The following MSLN variants were observed in gnomAD, a reference collection of about 807,000 sequenced individuals.
MSLN encodes the protein CAK1 antigen.
Under a neutral mutation model 72.6 loss-of-function variants are expected in MSLN, and 82 were observed. The ratio of observed to expected loss-of-function variants is 1.13; its 90% CI spans 0.94 to 1.36. The LOEUF is 1.36. Among genes scored for constraint, MSLN ranks in the 40% most tolerant of loss-of-function variants. MSLN has a pLI of 0.00. For synonymous variants in MSLN, 456 were observed against 387.3 expected (o/e 1.18, Z -2.08); for missense variants, 1,005 against 847.9 (o/e 1.19, Z -2.30).
In MSLN at chr16:765,309, T is replaced by TCTGGAACCTC. The variant is rs2041591752; in HGVS notation, c.704+6_704+7insCTGGAACCTC. 3 of 1,559,434 alleles carry TCTGGAACCTC rather than the reference T, an allele frequency of 1.9e-6. No individual in the cohort carries two copies. In the African/African-American group the frequency reaches 4.1e-5, roughly 21 times the overall value. ...GGCGGGGGACCCCCCTACGGGTAAG[T>TCTGGAACCTC]GAAGGTGTCTGGAACCTCGAAGGCT... is the stretch of plus-strand genomic sequence containing the variant. On this transcript the variant is annotated splice_region_variant and intron_variant, in intron 9 of 17. Transcript: ENST00000545450.
chr16:768,658 G>C lies in MSLN; in HGVS notation c.1794G>C (p.Ser598=), dbSNP rs201197109. The part of the protein sequence containing the change: ...VLDLSMQEAL[S]GTPCLLGPGP... ...CCCCTCTCTCTGTAGAGGCCCTCTC[G>C]GGGACGCCCTGCCTCCTAGGACCTG... Residue 598 remains serine (S), a synonymous_variant, in exon 18 of 18, where the codon TCG becomes TCC. Transcript: ENST00000545450. 5.0e-6 allele frequency: 8 copies of C among 1,611,020 alleles called. No homozygotes were observed. Among genetic ancestry groups the C allele is most frequent in the South Asian group, 4.4e-5 (4 of 91,082 alleles).
At position 768,831 on chromosome 16, in the gene MSLN, C is replaced by T; in HGVS notation, c.*98C>T. On this transcript the variant is annotated 3_prime_UTR_variant, in exon 18 of 18. Transcript: ENST00000545450. ...CCGTTCCACCCCAAGAGAACTCGCG[C>T]TCAGTAAACGGGAACATGCCCCCTG... The T allele has an allele frequency of 8.3e-7, 1 of 1,206,426 alleles. No individual in the cohort carries two copies. The allele number at this position is 1,206,426 out of a possible 1,614,324, so 74.7% of individuals were successfully genotyped here.
rs776699214 is a variant in MSLN, at chr16:767,384, C to T, written c.1510C>T (p.Pro504Ser). ...CCTCTCCCGGCGGGCAGGTGGGGCCCCCACGGAGGATTTGAAGGCGCTCAG... is the reference window on the plus strand; with the variant it reads ...CCTCTCCCGGCGGGCAGGTGGGGCCTCCACGGAGGATTTGAAGGCGCTCAG... ...VKIQSFLGGAPTEDLKALSQQ... is the reference protein window; with the variant it reads ...VKIQSFLGGASTEDLKALSQQ... The change falls in exon 16 of 18, where the codon CCC becomes TCC. Residue 504 changes from proline to serine, a missense_variant. Coordinates refer to ENST00000545450, the MANE Select transcript of MSLN (RefSeq NM_005823.6). The T allele has an allele frequency of 6.2e-6, 10 of 1,609,426 alleles. No individual in the cohort carries two copies. The South Asian group carries it at 7.7e-5, about 12-fold the overall frequency.
rs1302476918 is a variant in MSLN at position 768,567 on chromosome 16, T to TGGGCG, written c.1783+9_1783+13dup. The TGGGCG allele has an allele frequency of 5.6e-6, 9 of 1,605,582 alleles. No individual in the cohort carries two copies. In the African/African-American group the frequency reaches 8.1e-5, roughly 14 times the overall value. ...TGGTCCTAGACCTCAGCATGCAAGG[T>TGGGCG]GGGCGGGGCGGCCAGGCCAGGGCTG... On this transcript the variant is annotated splice_region_variant and intron_variant, in intron 17 of 17. Coordinates refer to ENST00000545450, the MANE Select transcript of MSLN (RefSeq NM_005823.6).
At position 766,129 on chromosome 16, in the gene MSLN, G is replaced by A; in HGVS notation, c.966G>A (p.Glu322=). The A allele has an allele frequency of 6.2e-7, 1 of 1,612,758 alleles. No individual in the cohort carries two copies. Among genetic ancestry groups the A allele is most frequent in the Non-Finnish European group, 8.5e-7 (1 of 1,179,916 alleles). ...GCCTCATCTTCTACAAGAAGTGGGA[G>A]CTGGAAGCCTGCGTGGATGCGGCCC... ...DESLIFYKKW[E]LEACVDAALL... Residue 322 remains glutamate, a synonymous_variant, in exon 12 of 18, where the codon GAG becomes GAA. Coordinates refer to ENST00000545450, the MANE Select transcript of MSLN (RefSeq NM_005823.6).
In MSLN at chr16:767,457, C is replaced by A. The variant is rs143402842; in HGVS notation, c.1583C>A (p.Thr528Lys). 6.7e-7 allele frequency: 1 copy of A among 1,500,106 alleles called. No homozygotes were observed. The highest frequency in any genetic ancestry group is 8.9e-7 in the Non-Finnish European group (1 of 1,118,656). 92.9% of individuals were successfully genotyped at this position (1,500,106 alleles called of 1,614,324 possible). ...TTGGCCACGTTCATGAAGCTGCGGA[C>A]GGATGCGGTGCTGGTATGGCGAGCG... ...MDLATFMKLR[T>K]DAVLPLTVAE... The change falls in exon 16 of 18, where the codon ACG becomes AAG. Residue 528 changes from threonine to lysine, a missense_variant. Coordinates refer to ENST00000545450, the MANE Select transcript of MSLN (RefSeq NM_005823.6).
At chr16:762,629 G>A in intron 2 of MSLN, 43 bp from the exon 3 acceptor site, 2 of 1,462,674 alleles carry the variant, frequency 1.4e-6, no homozygotes, top group South Asian at 2.3e-5. Context: ...AGAGGCGTGG[G>A]GTGGGAGCAG....
At position 762,883 on chromosome 16, in the gene MSLN, G is replaced by A. The variant is rs570633720; in HGVS notation, c.85+118G>A. 934 of 804,742 alleles carry A rather than the reference G, an allele frequency of 1.2e-3. 3 individuals are homozygous for A. Among genetic ancestry groups the A allele is most frequent in the Non-Finnish European group, 1.7e-3 (861 of 511,576 alleles). The allele number at this position is 804,742 out of a possible 1,614,324, so 49.9% of individuals were successfully genotyped here. On this transcript the variant is annotated intron_variant, in intron 3 of 17. Transcript: ENST00000545450. The stretch of plus-strand genomic sequence containing the variant: ...TCCCTGGAGTGCCTGTGGTGGCCAC[G>A]TCTCAGCAGCAGTCTCTGCCCCCAG...
Position 765,695 on chromosome 16 carries a change from T to C in MSLN, c.800T>C (p.Ile267Thr). 6.2e-7 allele frequency: 1 copy of C among 1,600,846 alleles called. No individual in the cohort carries two copies. The highest frequency in any genetic ancestry group is 1.1e-5 in the South Asian group (1 of 91,044). ...QPIIRSIPQG[I>T]VAAWRQRSSR... is the part of the protein sequence containing the mutation. Reference sequence around the variant, plus strand: ...CCAGGTCCTGCTCGTCCTCAGGGCATCGTGGCCGCGTGGCGGCAACGCTCC... The same window carrying C: ...CCAGGTCCTGCTCGTCCTCAGGGCACCGTGGCCGCGTGGCGGCAACGCTCC... Residue 267 changes from isoleucine (I) to threonine (T), a missense_variant, in exon 11 of 18, where the codon ATC (isoleucine) becomes ACC (threonine). Ile to Thr is a moderately conservative substitution (Grantham distance 89). Coordinates refer to ENST00000545450, the MANE Select transcript of MSLN (RefSeq NM_005823.6).
At chr16:762,591 C>T in intron 2 of MSLN, 81 bp from the exon 3 acceptor site, 1 of 1,055,418 alleles carries the variant, frequency 9.5e-7, no homozygotes, top group Non-Finnish European at 1.4e-6. Context: ...CCCTCCTGGG[C>T]CCATGTGGCC....
chr16:765,841 G>A, intron 11 of MSLN, 51 bp downstream of exon 11: 2 of 1,543,740 alleles, frequency 1.3e-6, no homozygotes, highest in Non-Finnish European at 1.7e-6. Flanking sequence ...AGCACCCCTG[G>A]GGGTGGGCAT....
chr16:768,617 T>C (rs1170141535), intron 17 of MSLN, 31 bp from the exon 18 acceptor site: 3 of 1,605,672 alleles, frequency 1.9e-6, no homozygotes, highest in Middle Eastern at 1.7e-4. Context: ...GGCGTGGAGG[T>C]GGGCGCTCTG....
intron 5 of MSLN, 29 bp from the exon 6 acceptor site, chr16:763,994 G>C (rs774087865): frequency 6.3e-6 from 10 of 1,593,284 alleles, no homozygotes; most frequent in Non-Finnish European, 8.5e-6. Context: ...AGGGGCGATC[G>C]TGGGTGCCCA....
Position 768,484 on chromosome 16 carries a change from C to T in MSLN, c.1702C>T (p.Gln568Ter), listed in dbSNP as rs1422813408. ...GCGGGACTGGATCCTACGGCAGCGGCAGGACGACCTGGACACGCTGGGGCT... is the reference window on the plus strand; with the variant it reads ...GCGGGACTGGATCCTACGGCAGCGGTAGGACGACCTGGACACGCTGGGGCT... ...PVRDWILRQRQDDLDTLGLGL... is the reference protein window; with the variant it reads ...PVRDWILRQR The change falls in exon 17 of 18, where the codon CAG becomes TAG. Residue 568 changes from glutamine (Q) to a stop codon, truncating the protein, a stop_gained. Coordinates refer to ENST00000545450, the MANE Select transcript of MSLN (RefSeq NM_005823.6). LOFTEE classifies it high-confidence loss of function. The T allele has an allele frequency of 1.6e-5, 25 of 1,575,070 alleles. No individual in the cohort carries two copies. The highest frequency in any genetic ancestry group is 2.7e-5 in the African/African-American group (2 of 74,136).
At chr16:761,253 C>T in intron 2 of MSLN, 79 bp downstream of exon 2, 1 of 152,296 alleles carries the variant, frequency 6.6e-6, no homozygotes, top group East Asian at 1.9e-4. Context: ...TGGGGCCGCC[C>T]CAGGCCGGGC....
Position 768,549 on chromosome 16 carries a change from A to G in MSLN, c.1767A>G (p.Leu589=). Residue 589 remains leucine (L), a synonymous_variant, in exon 17 of 18, where the codon CTA becomes CTG. Coordinates refer to ENST00000545450, the MANE Select transcript of MSLN (RefSeq NM_005823.6). ...QGGIPNGYLV[L]DLSMQEALSG... The stretch of plus-strand genomic sequence containing the variant: ...GCATCCCCAACGGCTACCTGGTCCT[A>G]GACCTCAGCATGCAAGGTGGGCGGG... 6.2e-7 allele frequency: 1 copy of G among 1,606,782 alleles called. No individual in the cohort carries two copies. The highest frequency in any genetic ancestry group is 8.5e-7 in the Non-Finnish European group (1 of 1,176,976).
chr16:766,012 G>A, intron 11 of MSLN, 47 bp from the exon 12 acceptor site: 18 of 1,539,244 alleles, frequency 1.2e-5, no homozygotes, highest in Non-Finnish European at 1.6e-5. Flanking sequence ...GAGGAAGAAG[G>A]GGTCAAACGA....
At chr16:762,640 G>T (rs960240034) in intron 2 of MSLN, 32 bp from the exon 3 acceptor site, 1 of 1,525,082 alleles carries the variant, frequency 6.6e-7, no homozygotes, top group Admixed American at 1.7e-5. Flanking sequence ...GTGGGAGCAG[G>T]GGGTCCCATC....
chr16:763,891 G>A lies in MSLN; in HGVS notation c.180-132G>A, dbSNP rs115540222. 2.5e-3 allele frequency: 2,951 copies of A among 1,171,700 alleles called. 47 individuals are homozygous for A. In the African/African-American group the frequency reaches 0.048, roughly 19 times the overall value. The allele number at this position is 1,171,700 out of a possible 1,614,324, so 72.6% of individuals were successfully genotyped here. ...CTCCCGGCCCTTGAGGGCGTCACCT[G>A]GTCTTGGGGGGAGGTCTGCAGGGAG... On this transcript the variant is annotated intron_variant, in intron 5 of 17. Transcript: ENST00000545450.
Sources: allele counts gnomAD v4.1 joint callset, GRCh38; gene constraint gnomAD v4.1.1; transcripts MANE v1.5; gene names NCBI Gene and HGNC (gene_info 2026-07-23, HGNC 2026-07-21).